Variants in PEX14 observed in about 807,000 individuals in gnomAD.
PEX14 encodes peroxisomal membrane protein PEX14.
PEX14 carries 15 observed loss-of-function variants against 49.5 expected under a neutral mutation model. The ratio of observed to expected loss-of-function variants is 0.30; its 90% CI spans 0.20 to 0.47. The LOEUF (loss-of-function observed/expected upper bound fraction) is 0.47. PEX14 is among the 20% of genes least tolerant of loss of function. PEX14 has a pLI of 1.00. For synonymous variants in PEX14, 210 were observed against 212.7 expected, an observed-to-expected ratio of 0.99 and a Z score of 0.11; for missense variants, 398 against 494.8, an observed-to-expected ratio of 0.80 and a Z score of 1.86.
chr1:10,521,105 C>A (rs1638279247), intron 2 of PEX14, among the ~76,000 whole-genome samples: 1 of 151,192 alleles, frequency 6.6e-6, no homozygotes, highest in East Asian at 1.9e-4. Context: ...TCCTCTCTTC[C>A]TGTTTTTGTT....
chr1:10,595,927 G>A (rs1640821490), intron 3 of PEX14, among the ~76,000 whole-genome samples: 1 of 152,180 alleles, frequency 6.6e-6, no homozygotes, highest in Admixed American at 6.5e-5. Context: ...ACTTACAATT[G>A]GCAGTTTCCT....
At chr1:10,555,332 A>G (rs759512900) in intron 3 of PEX14, among the ~76,000 whole-genome samples, 16 of 152,000 alleles carry the variant, frequency 1.1e-4, no homozygotes, top group Non-Finnish European at 2.1e-4. Context: ...TCAGACACTC[A>G]CTCGAAGAGC....
At chr1:10,531,078 A>G (rs1638636101) in intron 2 of PEX14, among the ~76,000 whole-genome samples, 1 of 152,130 alleles carries the variant, frequency 6.6e-6, no homozygotes, top group Admixed American at 6.6e-5. Context: ...GGCATTGTGA[A>G]TGGTAGATCA....
Position 10,491,383 on chromosome 1 carries a change from C to G in PEX14, c.37-3891C>G, listed in dbSNP as rs1346534160. ...TGGTAGGAATATGCATACACATGCA[C>G]CCTTTTTTTCTTTTTGAGACAGAGT... On this transcript the variant is annotated intron_variant, in intron 1 of 8. Coordinates refer to ENST00000356607, the MANE Select transcript of PEX14 (RefSeq NM_004565.3). Among the ~76,000 whole-genome samples the G allele has an allele frequency of 2.0e-5, 3 of 151,990 alleles. 1 individual carries two copies. The South Asian group carries it at 6.2e-4, about 32-fold the overall frequency.
At chr1:10,577,562 ATTTTT>A (rs1164876121) in intron 3 of PEX14, among the ~76,000 whole-genome samples, 1 of 6,234 alleles carries the variant, frequency 1.6e-4, no homozygotes, top group African/African-American at 4.6e-4. Flanking sequence ...ATATATATAT[ATTTTT>A]TTTTTTTTTT....
intron 1 of PEX14, among the ~76,000 whole-genome samples, chr1:10,480,706 T>C (rs1409055067): frequency 6.6e-6 from 1 of 152,110 alleles, no homozygotes; most frequent in East Asian, 1.9e-4. Context: ...CAACTTTTTA[T>C]TTTGAAAAAT....
intron 3 of PEX14, among the ~76,000 whole-genome samples, chr1:10,553,526 C>T (rs1341348292): frequency 6.6e-6 from 1 of 152,150 alleles, no homozygotes; most frequent in Non-Finnish European, 1.5e-5. Flanking sequence ...AGTGGTTTCA[C>T]TGAAATTTGA....
chr1:10,605,467 T>C lies in PEX14; in HGVS notation c.298+6101T>C, dbSNP rs564274582. ...AAGGAAATTCCCAGAACGCTAGTCTTAGGCAAGGCTTTCTAGAAGGGGCAG... is the reference window on the plus strand; with the variant it reads ...AAGGAAATTCCCAGAACGCTAGTCTCAGGCAAGGCTTTCTAGAAGGGGCAG... On this transcript the variant is annotated intron_variant, in intron 4 of 8. Transcript: ENST00000356607. Among the ~76,000 whole-genome samples, 102 of 152,332 alleles carry C rather than the reference T, an allele frequency of 6.7e-4. 1 individual carries two copies. Among genetic ancestry groups the C allele is most frequent in the Middle Eastern group, 3.4e-3 (1 of 294 alleles).
At chr1:10,553,160 C>T (rs904845950) in intron 3 of PEX14, among the ~76,000 whole-genome samples, 1 of 152,106 alleles carries the variant, frequency 6.6e-6, no homozygotes, top group African/African-American at 2.4e-5. Flanking sequence ...GATGGATGAA[C>T]CAGGGCAGTT....
chr1:10,587,237 A>G (rs1389685071), intron 3 of PEX14, among the ~76,000 whole-genome samples: 5 of 152,102 alleles, frequency 3.3e-5, no homozygotes, highest in African/African-American at 1.2e-4. Flanking sequence ...CAGATGGATC[A>G]CGTGAAGCCA....
intron 2 of PEX14, among the ~76,000 whole-genome samples, chr1:10,523,825 T>TAAA (rs59324356): frequency 1.3e-4 from 17 of 132,366 alleles, no homozygotes; most frequent in African/African-American, 4.6e-4. Context: ...TCCTTTTAGT[T>TAAA]AAAAAAAAAA....
chr1:10,581,102 C>T (rs948735848), intron 3 of PEX14, among the ~76,000 whole-genome samples: 8 of 152,044 alleles, frequency 5.3e-5, no homozygotes, highest in African/African-American at 1.9e-4. Flanking sequence ...TCTTCTCTGT[C>T]TCAGGAAGGG....
At chr1:10,603,801 G>C (rs1285801308) in intron 4 of PEX14, among the ~76,000 whole-genome samples, 10 of 152,134 alleles carry the variant, frequency 6.6e-5, no homozygotes, top group Admixed American at 3.9e-4. Context: ...TTTCTTCTTA[G>C]ATTTGAACAT....
At chr1:10,581,358 G>A (rs1424483791) in intron 3 of PEX14, among the ~76,000 whole-genome samples, 1 of 148,702 alleles carries the variant, frequency 6.7e-6, no homozygotes, top group Non-Finnish European at 1.5e-5. Context: ...CCAGGCTGGA[G>A]TGCAGTGGTG....
At position 10,488,782 on chromosome 1, in the gene PEX14, C is replaced by T. The variant is rs1041972006; in HGVS notation, c.37-6492C>T. 7.9e-5 allele frequency among the ~76,000 whole-genome samples: 12 copies of T among 152,240 alleles called. No homozygotes were observed. The East Asian group carries it at 1.5e-3, about 20-fold the overall frequency. On this transcript the variant is annotated intron_variant, in intron 1 of 8. Coordinates refer to ENST00000356607, the MANE Select transcript of PEX14 (RefSeq NM_004565.3). ...CCTCCCAAAGTGCTGGGATTACAGG[C>T]GTGAGCCACTGTGCTCGGCCTCTAT... is the stretch of plus-strand genomic sequence containing the variant.
chr1:10,501,549 C>A (rs567292434), intron 2 of PEX14, among the ~76,000 whole-genome samples: 1 of 152,100 alleles, frequency 6.6e-6, no homozygotes, highest in Non-Finnish European at 1.5e-5. Context: ...GATCCGCCCG[C>A]CTCGGCCTCC....
intron 4 of PEX14, among the ~76,000 whole-genome samples, chr1:10,609,948 C>T (rs1331045051): frequency 6.6e-6 from 1 of 151,320 alleles, no homozygotes; most frequent in Non-Finnish European, 1.5e-5. Context: ...AGTATGTAGA[C>T]TTCTGTGTCT....
rs933670796 is a variant in PEX14 at position 10,621,224 on chromosome 1, T to C, written c.385-1795T>C. On this transcript the variant is annotated intron_variant, in intron 5 of 8. Transcript: ENST00000356607. ...AAAAAAAAGAAATGGTAAAAAGCCC[T>C]CGACTGGCTTTATAAGCACGTGAAG... Among the ~76,000 whole-genome samples the C allele has an allele frequency of 2.0e-5, 3 of 150,996 alleles. No individual in the cohort carries two copies. The East Asian group carries it at 5.8e-4, about 29-fold the overall frequency.
chr1:10,613,843 A>C lies in PEX14; in HGVS notation c.299-4489A>C, dbSNP rs1346277684. Among the ~76,000 whole-genome samples, 2 of 152,120 alleles carry C rather than the reference A, an allele frequency of 1.3e-5. No homozygotes were observed. The highest frequency in any genetic ancestry group is 4.8e-5 in the African/African-American group (2 of 41,430). ...TTGCTACCTTGTCTGCCTTGTCTGC[A>C]TGGCAGGCCAGTCCCTGCTTCCAGA... On this transcript the variant is annotated intron_variant, in intron 4 of 8. Transcript: ENST00000356607. The surrounding 1 kb of genome is among the most constrained non-coding windows in gnomAD (Gnocchi z 5.0).
Sources: allele counts gnomAD v4.1 joint callset (sites outside exome capture counted in the v4.1 genomes callset), GRCh38; gene constraint gnomAD v4.1.1; non-coding constraint Gnocchi (gnomAD v3.1); transcripts MANE v1.5; gene names NCBI Gene and HGNC (gene_info 2026-07-23, HGNC 2026-07-21).